GPHN: variants seen among roughly 807,000 people sequenced by gnomAD.
The protein encoded by GPHN is gephyrin.
A neutral mutation model predicts 95.5 loss-of-function variants in GPHN; 17 were observed. The observed-to-expected ratio is 0.18, with a 90% CI of 0.12 to 0.27. The LOEUF is 0.27. GPHN is among the 10% of genes least tolerant of loss of function. The probability of loss-of-function intolerance (pLI) is 1.00; values close to 1 mark genes in which losing one functional copy is unlikely to be tolerated. For missense variants in GPHN, 660 were observed against 978.1 expected (o/e 0.67, Z 4.34); for synonymous variants, 320 against 322.5 (o/e 0.99, Z 0.08).
At chr14:66,537,074 CAAT>C (rs1405739802) in intron 1 of GPHN, among the ~76,000 whole-genome samples, 3 of 152,104 alleles carry the variant, frequency 2.0e-5, no homozygotes, top group African/African-American at 7.2e-5. Context: ...TTCTTTTCAT[CAAT>C]ACTTCCATGG....
chr14:67,320,397 C>T, the GPHN span: 243 of 1,592,634 alleles, frequency 1.5e-4, no homozygotes, highest in Non-Finnish European at 1.9e-4. Context: ...TGCAGTTCCT[C>T]GTAAGTTTGA....
At chr14:66,986,448 G>A (rs189331798) in intron 9 of GPHN, among the ~76,000 whole-genome samples, 50 of 152,110 alleles carry the variant, frequency 3.3e-4, no homozygotes, top group Admixed American at 1.1e-3. Flanking sequence ...TGATCATCTT[G>A]TTTGCTAGTT....
chr14:67,323,261 G>GTGTGTATATATATATA, the GPHN span, among the ~76,000 whole-genome samples: 15 of 124,190 alleles, frequency 1.2e-4, no homozygotes, highest in African/African-American at 2.7e-4. Flanking sequence ...GTGTGTGTGT[G>GTGTGTATATATATATA]TATATATATA....
chr14:67,517,850 G>A, the GPHN span, among the ~76,000 whole-genome samples: 1 of 152,194 alleles, frequency 6.6e-6, no homozygotes, highest in East Asian at 1.9e-4. Context: ...AAGGCAAAAT[G>A]CAGTTCAAAC....
At chr14:66,621,276 AT>A (rs60290048) in intron 1 of GPHN, among the ~76,000 whole-genome samples, 9 of 129,666 alleles carry the variant, frequency 6.9e-5, no homozygotes, top group Non-Finnish European at 1.2e-4. Context: ...CACCCAGCCA[AT>A]TTTTTTTTTT....
the GPHN span, chr14:67,613,781 A>T: frequency 3.2e-4 from 64 of 198,834 alleles, 1 homozygote; most frequent in South Asian, 6.4e-3. Flanking sequence ...GTTCAGAATC[A>T]ACATCTCACA....
At chr14:67,673,846 T>C in the GPHN span, among the ~76,000 whole-genome samples, 35 of 152,314 alleles carry the variant, frequency 2.3e-4, no homozygotes, top group South Asian at 6.6e-3. Context: ...CAGTCTCAGC[T>C]GTAAAAACGT....
chr14:66,508,357 C>A lies in GPHN; in HGVS notation c.-171C>A, dbSNP rs1594761226. 2.9e-6 allele frequency: 2 copies of A among 687,478 alleles called. No individual in the cohort carries two copies. The highest frequency in any genetic ancestry group is 5.4e-5 in the East Asian group (2 of 37,352). 42.6% of individuals were successfully genotyped at this position (687,478 alleles called of 1,614,324 possible). On this transcript the variant is annotated 5_prime_UTR_variant, in exon 1 of 23. Transcript: ENST00000478722. Reference sequence around the variant, plus strand: ...CCGCGCACTCCCGGCGCGGCCTCTCCCCCACGCAGGCCACCGTGCACTCTG... The same window carrying A: ...CCGCGCACTCCCGGCGCGGCCTCTCACCCACGCAGGCCACCGTGCACTCTG...
the GPHN span, chr14:67,242,020 A>G: frequency 6.6e-6 from 1 of 152,358 alleles, no homozygotes; most frequent in African/African-American, 2.4e-5. Flanking sequence ...TAAACACGCA[A>G]ACAGTTCCTG....
chr14:66,586,233 A>G (rs1162736113), intron 1 of GPHN, among the ~76,000 whole-genome samples: 4 of 151,260 alleles, frequency 2.6e-5, no homozygotes, highest in Non-Finnish European at 1.5e-5. Context: ...TTTGTTTTCC[A>G]TTGGTTTGGT....
the GPHN span, chr14:67,620,028 C>T: frequency 1.2e-6 from 2 of 1,612,114 alleles, no homozygotes; most frequent in South Asian, 2.2e-5. Context: ...GAGTGCATTC[C>T]ATCCTGAAGA....
the GPHN span, among the ~76,000 whole-genome samples, chr14:67,439,829 C>G: frequency 6.6e-6 from 1 of 151,252 alleles, no homozygotes; most frequent in Non-Finnish European, 1.5e-5. Flanking sequence ...TCTCTTCTCT[C>G]TTTTCTTTTT....
intron 1 of GPHN, among the ~76,000 whole-genome samples, chr14:66,527,909 G>C (rs1334939659): frequency 1.3e-5 from 2 of 152,184 alleles, no homozygotes; most frequent in East Asian, 1.9e-4. Flanking sequence ...TTTAGAGTAA[G>C]TGTGATGTGG....
chr14:67,277,735 G>T, the GPHN span, among the ~76,000 whole-genome samples: 2 of 152,212 alleles, frequency 1.3e-5, no homozygotes, highest in Middle Eastern at 3.4e-3. Context: ...AAAATATGTT[G>T]AAAGATTTTT....
At chr14:67,686,749 T>C in the GPHN span, among the ~76,000 whole-genome samples, 2 of 151,800 alleles carry the variant, frequency 1.3e-5, no homozygotes, top group Non-Finnish European at 2.9e-5. Context: ...GGGCCAGACA[T>C]ACTTCAATTT....
chr14:66,875,260 C>T (rs1285481361), intron 4 of GPHN, among the ~76,000 whole-genome samples: 2 of 152,164 alleles, frequency 1.3e-5, no homozygotes, highest in Non-Finnish European at 2.9e-5. Context: ...GAAGGAAGCA[C>T]TGAATATTGG....
chr14:67,680,858 C>A, the GPHN span, among the ~76,000 whole-genome samples: 1 of 152,174 alleles, frequency 6.6e-6, no homozygotes. Context: ...AAAAGATAAA[C>A]TAATTTCAAA....
the GPHN span, among the ~76,000 whole-genome samples, chr14:67,283,103 C>G: frequency 6.6e-6 from 1 of 152,094 alleles, no homozygotes; most frequent in African/African-American, 2.4e-5. Context: ...AATAAAAAGA[C>G]TCCTGGAATT....
the GPHN span, chr14:67,340,571 A>G: frequency 7.1e-7 from 1 of 1,404,856 alleles, no homozygotes; most frequent in Non-Finnish European, 1.0e-6. Flanking sequence ...CCTTTTTTCA[A>G]ATTATCAGTG....
Sources: gnomAD v4.1 joint callset for allele counts (sites outside exome capture counted in the v4.1 genomes callset) on GRCh38, gnomAD v4.1.1 for gene constraint, MANE v1.5 for transcripts, NCBI Gene and HGNC (gene_info 2026-07-23, HGNC 2026-07-21) for gene names.